The following DYSF variants were observed in gnomAD, a reference collection of about 807,000 sequenced individuals.
DYSF encodes dysferlin.
Under a neutral mutation model 274.9 loss-of-function variants are expected in DYSF, and 212 were observed. The observed-to-expected ratio is 0.77, with a 90% confidence interval of 0.69 to 0.86. DYSF has a LOEUF of 0.86. Among genes scored for constraint, DYSF ranks in the 40% least tolerant of loss-of-function variants. The pLI is 0.00. For missense variants in DYSF, 2,666 were observed against 2,783.2 expected (o/e 0.96, Z 0.95); for synonymous variants, 1,091 against 1,078.7 (o/e 1.01, Z -0.22).
At chr2:71,686,302 C>T (rs923119359) in intron 55 of DYSF, 152 bp from the exon 56 acceptor site, 9 of 902,086 alleles carry the variant, frequency 1.0e-5, no homozygotes, top group Non-Finnish European at 1.8e-6. Context: ...GAGGCGTGGG[C>T]AGGTGGTTGA....
intron 42 of DYSF, among the ~76,000 whole-genome samples, chr2:71,646,951 G>A (rs2094576328): frequency 6.6e-6 from 1 of 151,944 alleles, no homozygotes; most frequent in Non-Finnish European, 1.5e-5. Context: ...GAAGAGCAAA[G>A]GAAACAAAAT....
intron 41 of DYSF, among the ~76,000 whole-genome samples, chr2:71,641,251 T>A (rs558557466): frequency 6.9e-6 from 1 of 145,846 alleles, no homozygotes; most frequent in African/African-American, 2.6e-5. Flanking sequence ...CAATCTCGGC[T>A]CACTGCAAGC....
chr2:71,686,610 G>A lies in DYSF; in HGVS notation c.*118G>A. On this transcript the variant is annotated 3_prime_UTR_variant, in exon 56 of 56. Coordinates refer to ENST00000410020, the MANE Select transcript of DYSF (RefSeq NM_001130987.2). ...CTCCTAGGCCTGATTGTCCTGCCAG[G>A]GTGGGCAGACAGACAGATGGACCGG... is the stretch of plus-strand genomic sequence containing the variant. 2 of 1,258,668 alleles carry A rather than the reference G, an allele frequency of 1.6e-6. No individual in the cohort carries two copies. Among genetic ancestry groups the A allele is most frequent in the Non-Finnish European group, 2.3e-6 (2 of 866,668 alleles). The allele number at this position is 1,258,668 out of a possible 1,614,324, so 78.0% of individuals were successfully genotyped here. A position where few individuals can be genotyped will look rare whatever the true frequency, so the allele number is the denominator to read the frequency against.
chr2:71,508,073 G>C (rs2085682337), intron 4 of DYSF, among the ~76,000 whole-genome samples: 1 of 152,174 alleles, frequency 6.6e-6, no homozygotes, highest in Non-Finnish European at 1.5e-5. Flanking sequence ...GATGGGCAGG[G>C]GGCTTTATTT....
At chr2:71,459,164 G>A (rs578108880) in intron 1 of DYSF, among the ~76,000 whole-genome samples, 10 of 152,312 alleles carry the variant, frequency 6.6e-5, no homozygotes, top group Non-Finnish European at 1.5e-4. Context: ...AATATGCCCT[G>A]AAGGAGTCCT....
chr2:71,571,706 A>T (rs1490143990), intron 29 of DYSF, among the ~76,000 whole-genome samples: 1 of 134,260 alleles, frequency 7.4e-6, no homozygotes, highest in Non-Finnish European at 1.6e-5. Context: ...CACAGATCAC[A>T]GTCAGCACAC....
intron 7 of DYSF, among the ~76,000 whole-genome samples, chr2:71,514,579 T>A (rs1003328845): frequency 6.7e-6 from 1 of 148,430 alleles, no homozygotes; most frequent in African/African-American, 2.5e-5. Flanking sequence ...CCTTTGCCTA[T>A]TTTTTTTTTC....
intron 17 of DYSF, among the ~76,000 whole-genome samples, chr2:71,550,129 G>A (rs181398317): frequency 8.1e-4 from 124 of 152,338 alleles, no homozygotes; most frequent in African/African-American, 2.7e-3. Context: ...TGATTGGGTC[G>A]TTCCAGAGGG....
chr2:71,679,979 G>A lies in DYSF; in HGVS notation c.6063+744G>A, dbSNP rs145843937. 2.0e-4 allele frequency among the ~76,000 whole-genome samples: 30 copies of A among 152,260 alleles called. No individual in the cohort carries two copies. In the East Asian group the frequency reaches 5.4e-3, roughly 27 times the overall value. The stretch of plus-strand genomic sequence containing the variant: ...GAGGAGATATGTTCCAAGACCCCCA[G>A]GGGATGCCTGAAACTACAGATAGTA... On this transcript the variant is annotated intron_variant, in intron 53 of 55. Coordinates refer to ENST00000410020, the MANE Select transcript of DYSF (RefSeq NM_001130987.2).
intron 3 of DYSF, among the ~76,000 whole-genome samples, chr2:71,498,857 G>A (rs1196851861): frequency 6.6e-6 from 1 of 152,090 alleles, no homozygotes; most frequent in African/African-American, 2.4e-5. Flanking sequence ...TTGCAAAGCC[G>A]GTTTCATTAA....
upstream of DYSF, among the ~76,000 whole-genome samples, chr2:71,465,753 C>G (rs79523511): frequency 0.026 from 3,961 of 152,286 alleles, 86 homozygotes; most frequent in African/African-American, 0.058. Flanking sequence ...AGTGCCCTGA[C>G]AGGGGCTAGG....
intron 42 of DYSF, among the ~76,000 whole-genome samples, chr2:71,644,694 T>C (rs536269759): frequency 2.0e-5 from 3 of 152,286 alleles, no homozygotes; most frequent in Admixed American, 2.0e-4. Context: ...CAAATATAAT[T>C]ATGCTTTGAA....
intron 36 of DYSF, among the ~76,000 whole-genome samples, chr2:71,608,740 G>A (rs1293863537): frequency 7.0e-6 from 1 of 143,552 alleles, no homozygotes; most frequent in East Asian, 1.9e-4. Flanking sequence ...GCTCGAGGGA[G>A]CCCCGAGGGA....
chr2:71,592,432 G>A (rs998405196), intron 32 of DYSF, among the ~76,000 whole-genome samples: 1 of 152,142 alleles, frequency 6.6e-6, no homozygotes, highest in Non-Finnish European at 1.5e-5. Flanking sequence ...AGCAGCTGCT[G>A]GAAAGGAAAA....
intron 38 of DYSF, among the ~76,000 whole-genome samples, chr2:71,612,119 G>C (rs1187924685): frequency 6.6e-6 from 1 of 152,232 alleles, no homozygotes; most frequent in Non-Finnish European, 1.5e-5. Flanking sequence ...AAAATGGTTT[G>C]CAAGATGAAA....
intron 29 of DYSF, among the ~76,000 whole-genome samples, chr2:71,572,047 A>ATCACACCTAGCACACCCACAGC: frequency 7.2e-6 from 1 of 138,528 alleles, no homozygotes; most frequent in African/African-American, 2.7e-5. Flanking sequence ...ACACCCACAG[A>ATCACACCTAGCACACCCACAGC]TCACACCCAG....
intron 33 of DYSF, among the ~76,000 whole-genome samples, chr2:71,600,294 T>A (rs1270146804): frequency 6.6e-6 from 1 of 152,120 alleles, no homozygotes; most frequent in Non-Finnish European, 1.5e-5. Context: ...GGGTGGGAAT[T>A]TAAGGGTGAA....
intron 1 of DYSF, among the ~76,000 whole-genome samples, chr2:71,461,555 G>A (rs986836796): frequency 2.6e-5 from 4 of 152,228 alleles, no homozygotes; most frequent in African/African-American, 7.2e-5. Context: ...AGCACAGGAG[G>A]CCTTTGGATA....
chr2:71,666,770 T>C (rs911470380), intron 47 of DYSF, among the ~76,000 whole-genome samples: 4 of 152,248 alleles, frequency 2.6e-5, no homozygotes, highest in African/African-American at 4.8e-5. Context: ...GCTCTGCTGC[T>C]AGTTGTGTGG....
Sources: gnomAD v4.1 joint callset for allele counts (sites outside exome capture counted in the v4.1 genomes callset) on GRCh38, gnomAD v4.1.1 for gene constraint, MANE v1.5 for transcripts, NCBI Gene and HGNC (gene_info 2026-07-23, HGNC 2026-07-21) for gene names.